Variants in LNX1 observed in about 807,000 individuals in gnomAD.
The protein encoded by LNX1 is ligand of numb-protein X 1.
A neutral mutation model predicts 68.4 loss-of-function variants in LNX1; 54 were observed. That is an observed-to-expected ratio of 0.79 (90% CI 0.63 to 0.99). LNX1 has a LOEUF of 0.99. LNX1 is among the 50% of genes least tolerant of loss of function. LNX1 has a pLI of 0.00. For synonymous variants in LNX1, 336 were observed against 350.0 expected (o/e 0.96, Z 0.45); for missense variants, 906 against 926.4 (o/e 0.98, Z 0.29).
chr4:53,555,400 C>A (rs1297717163), intron 2 of LNX1, among the ~76,000 whole-genome samples: 5 of 152,144 alleles, frequency 3.3e-5, no homozygotes, highest in African/African-American at 9.7e-5. Context: ...AGCTTAAACC[C>A]CCAACTCCTC....
At chr4:53,541,534 A>G (rs1728766117) in intron 2 of LNX1, among the ~76,000 whole-genome samples, 1 of 151,820 alleles carries the variant, frequency 6.6e-6, no homozygotes, top group African/African-American at 2.4e-5. Context: ...GATTCTAACC[A>G]TTTATATCAA....
chr4:53,479,105 G>A (rs1463689963), intron 7 of LNX1, among the ~76,000 whole-genome samples: 3 of 152,180 alleles, frequency 2.0e-5, no homozygotes, highest in Non-Finnish European at 4.4e-5. Context: ...TTGCTTTGTT[G>A]CTCAGGCTGG....
At chr4:53,516,944 C>T (rs569130766) in intron 2 of LNX1, among the ~76,000 whole-genome samples, 6 of 152,260 alleles carry the variant, frequency 3.9e-5, no homozygotes, top group African/African-American at 1.4e-4. Flanking sequence ...GACCATCAAT[C>T]CAAAGTGAAC....
Position 53,579,834 on chromosome 4 carries a change from C to T in LNX1, c.-86-5746G>A, listed in dbSNP as rs1176349386. ...TAAACCACATACTCCACTAGAAGGA[C>T]AATTGGATAAATATAACATTTGGCA... On this transcript the variant is annotated intron_variant, in intron 1 of 10. Transcript: ENST00000263925. 1.2e-4 allele frequency among the ~76,000 whole-genome samples: 19 copies of T among 152,270 alleles called. No homozygotes were observed. The East Asian group carries it at 3.7e-3, about 29-fold the overall frequency.
upstream of LNX1, among the ~76,000 whole-genome samples, chr4:53,620,893 C>G (rs1733845465): frequency 1.3e-5 from 2 of 152,104 alleles, no homozygotes; most frequent in Admixed American, 1.3e-4. Context: ...AGCTTCCCTG[C>G]AAAAATGACT....
At chr4:53,597,466 A>G (rs1475425619) in intron 2 of LNX1, among the ~76,000 whole-genome samples, 2 of 152,074 alleles carry the variant, frequency 1.3e-5, no homozygotes, top group African/African-American at 2.4e-5. Flanking sequence ...CCCCATTTCC[A>G]TAGAGAACTG....
chr4:53,599,705 T>C (rs1368691019), intron 2 of LNX1, among the ~76,000 whole-genome samples: 1 of 152,220 alleles, frequency 6.6e-6, no homozygotes, highest in African/African-American at 2.4e-5. Context: ...AGCCTTATCT[T>C]GGCTCTTATC....
chr4:53,648,966 A>C (rs1364594508), intron 1 of LNX1, among the ~76,000 whole-genome samples: 1 of 152,176 alleles, frequency 6.6e-6, no homozygotes, highest in Non-Finnish European at 1.5e-5. Flanking sequence ...AACCAATAGA[A>C]GAGAGGAGGT....
At chr4:53,496,571 C>T (rs1247443775) in intron 5 of LNX1, 177 bp from the exon 6 acceptor site, 15 of 724,500 alleles carry the variant, frequency 2.1e-5, no homozygotes, top group African/African-American at 3.6e-5. Context: ...TCTCTCCAAG[C>T]GTGGCCTGCA....
intron 1 of LNX1, among the ~76,000 whole-genome samples, chr4:53,624,261 C>T (rs1386453479): frequency 6.6e-6 from 1 of 152,160 alleles, no homozygotes; most frequent in African/African-American, 2.4e-5. Context: ...TGAATTGCAG[C>T]TCCCATAATT....
intron 6 of LNX1, among the ~76,000 whole-genome samples, chr4:53,493,648 C>A (rs1724853531): frequency 6.6e-6 from 1 of 152,224 alleles, no homozygotes; most frequent in Non-Finnish European, 1.5e-5. Flanking sequence ...GTTTAGATAA[C>A]CAAGTCCTTG....
At position 53,507,347 on chromosome 4, in the gene LNX1, C is replaced by G. The variant is rs753080348; in HGVS notation, c.745G>C (p.Glu249Gln). ...AVANHADQGR[E>Q]NSENTTAPEV... Reference sequence around the variant, plus strand: ...GGGGCAGTGGTGTTTTCAGAATTTTCCCTGCCCTGGTCGGCATGGTTGGCA... The same window carrying G: ...GGGGCAGTGGTGTTTTCAGAATTTTGCCTGCCCTGGTCGGCATGGTTGGCA... Residue 249 changes from glutamate (E) to glutamine (Q), a missense_variant, in exon 4 of 11, where the codon GAA (glutamate) becomes CAA (glutamine). Physicochemically the swap from Glu to Gln is conservative, Grantham distance 29. Transcript: ENST00000263925. 5.6e-6 allele frequency: 9 copies of G among 1,613,986 alleles called. No homozygotes were observed. The Admixed American group carries it at 1.5e-4, about 27-fold the overall frequency.
At chr4:53,606,402 G>A (rs1733235635) in intron 2 of LNX1, among the ~76,000 whole-genome samples, 1 of 151,878 alleles carries the variant, frequency 6.6e-6, no homozygotes, top group South Asian at 2.1e-4. Context: ...GAATCCCTGA[G>A]CAGACCAGTA....
Position 53,459,473 on chromosome 4 carries a change from T to C in LNX1, c.*1434A>G. 3.7e-6 allele frequency: 6 copies of C among 1,613,238 alleles called. No homozygotes were observed. Among genetic ancestry groups the C allele is most frequent in the Non-Finnish European group, 5.1e-6 (6 of 1,179,324 alleles). On this transcript the variant is annotated 3_prime_UTR_variant, in exon 11 of 11. Transcript: ENST00000263925. The stretch of plus-strand genomic sequence containing the variant: ...AGGCATGGTTTTGGCCTTTTGTGTA[T>C]ATTAGTACCAGAAGTAGATACTATA...
At chr4:53,490,561 C>T (rs770904883) in intron 6 of LNX1, among the ~76,000 whole-genome samples, 7 of 152,148 alleles carry the variant, frequency 4.6e-5, no homozygotes, top group Non-Finnish European at 8.8e-5. Flanking sequence ...TAAAGCTGGT[C>T]AAATATAAAA....
intron 2 of LNX1, among the ~76,000 whole-genome samples, chr4:53,533,772 C>T (rs1417039439): frequency 2.0e-5 from 3 of 152,192 alleles, no homozygotes; most frequent in Non-Finnish European, 4.4e-5. Context: ...AGGGATACTG[C>T]TAAACATCCT....
chr4:53,486,336 C>G (rs1228459499), intron 6 of LNX1, among the ~76,000 whole-genome samples: 1 of 152,212 alleles, frequency 6.6e-6, no homozygotes, highest in Non-Finnish European at 1.5e-5. Context: ...ACTCTCCCGC[C>G]TCAGCATCCA....
intron 7 of LNX1, among the ~76,000 whole-genome samples, chr4:53,479,034 G>T (rs1200793423): frequency 6.6e-6 from 1 of 152,172 alleles, no homozygotes; most frequent in East Asian, 1.9e-4. Context: ...AATGGAGGAA[G>T]GAACCGATTA....
chr4:53,649,489 T>G (rs1297730216), intron 1 of LNX1, among the ~76,000 whole-genome samples: 1 of 152,208 alleles, frequency 6.6e-6, no homozygotes, highest in Non-Finnish European at 1.5e-5. Flanking sequence ...CCAGAGCTCT[T>G]GTCCTGAAGT....
Sources: allele counts gnomAD v4.1 joint callset (sites outside exome capture counted in the v4.1 genomes callset), GRCh38; gene constraint gnomAD v4.1.1; transcripts MANE v1.5; gene names NCBI Gene and HGNC (gene_info 2026-07-23, HGNC 2026-07-21).